Variants in TBC1D2 observed in about 807,000 individuals in gnomAD.
The protein encoded by TBC1D2 is TBC1 domain family member 2, also known as TBC1 domain family member 2A.
Under a neutral mutation model 91.1 loss-of-function variants are expected in TBC1D2, and 58 were observed. The ratio of observed to expected loss-of-function variants is 0.64; its 90% CI spans 0.52 to 0.79. The LOEUF is 0.79. Ranked by LOEUF, TBC1D2 falls within the 30% of genes least tolerant of loss-of-function variation. The pLI is 0.00. For missense variants in TBC1D2, 1,080 were observed against 1,208.3 expected, an observed-to-expected ratio of 0.89 and a Z score of 1.57; for synonymous variants, 482 against 511.5, an observed-to-expected ratio of 0.94 and a Z score of 0.78.
rs561410527 is a variant in TBC1D2, at chr9:98,216,218, C to T, written c.1375-3000G>A. Among the ~76,000 whole-genome samples the T allele has an allele frequency of 1.1e-4, 16 of 152,286 alleles. No homozygotes were observed. In the South Asian group the frequency reaches 1.2e-3, roughly 12 times the overall value. The stretch of plus-strand genomic sequence containing the variant: ...GTTAATATGTGCAAAAGGCTCAGAA[C>T]GGTGCCTGGCATGTGGCAAGTGCAA... On this transcript the variant is annotated intron_variant, in intron 6 of 12. Coordinates refer to ENST00000465784, the MANE Select transcript of TBC1D2 (RefSeq NM_001267571.2).
intron 2 of TBC1D2, among the ~76,000 whole-genome samples, chr9:98,248,463 G>T (rs761308544): frequency 7.2e-5 from 11 of 152,230 alleles, no homozygotes; most frequent in Admixed American, 5.2e-4. Context: ...GGAAGAAGGC[G>T]CTGCCTAGAC....
At chr9:98,222,501 G>A (rs1309669142) in intron 5 of TBC1D2, among the ~76,000 whole-genome samples, 5 of 152,242 alleles carry the variant, frequency 3.3e-5, no homozygotes, top group African/African-American at 1.2e-4. Context: ...TTATTCCTCA[G>A]CAGGGGCAAC....
In TBC1D2 at chr9:98,255,648, G is replaced by GCGGGGC; in HGVS notation, c.-108_-107insGCCCCG. 7.5e-7 allele frequency: 1 copy of GCGGGGC among 1,342,180 alleles called. No individual in the cohort carries two copies. 83.1% of individuals were successfully genotyped at this position (1,342,180 alleles called of 1,614,324 possible). On this transcript the variant is annotated 5_prime_UTR_variant, in exon 1 of 13. Transcript: ENST00000465784. ...CCCAAAGGGAGACACCTGGGCGGGG[G>GCGGGGC]CGGGGCCGACGGCGAACCCGCCCCC... is the stretch of plus-strand genomic sequence containing the variant.
rs2119141244 is a variant in TBC1D2 at position 98,233,556 on chromosome 9, G to A, written c.648-7C>T. Reference sequence around the variant, plus strand: ...GATGTTGTGCATTGTGTTCCTGAAAGGAGACAAGAACAGAGGAGCATGAGG... The same window carrying A: ...GATGTTGTGCATTGTGTTCCTGAAAAGAGACAAGAACAGAGGAGCATGAGG... On this transcript the variant is annotated splice_region_variant and splice_polypyrimidine_tract_variant and intron_variant, in intron 3 of 12. Coordinates refer to ENST00000465784, the MANE Select transcript of TBC1D2 (RefSeq NM_001267571.2). The A allele has an allele frequency of 6.2e-7, 1 of 1,613,844 alleles. No homozygotes were observed. The highest frequency in any genetic ancestry group is 1.1e-5 in the South Asian group (1 of 91,048).
At position 98,233,560 on chromosome 9, in the gene TBC1D2, A is replaced by G; in HGVS notation, c.648-11T>C. ...TTGTGCATTGTGTTCCTGAAAGGAG[A>G]CAAGAACAGAGGAGCATGAGGCTGA... On this transcript the variant is annotated splice_polypyrimidine_tract_variant and intron_variant, in intron 3 of 12. Transcript: ENST00000465784. 1.2e-6 allele frequency: 2 copies of G among 1,613,662 alleles called. No homozygotes were observed. Among genetic ancestry groups the G allele is most frequent in the Non-Finnish European group, 1.7e-6 (2 of 1,179,774 alleles).
At chr9:98,244,434 G>A (rs994526621) in intron 2 of TBC1D2, among the ~76,000 whole-genome samples, 10 of 151,984 alleles carry the variant, frequency 6.6e-5, no homozygotes, top group African/African-American at 2.2e-4. Flanking sequence ...TGAGATGGGC[G>A]GATCACCTGA....
At chr9:98,244,715 G>A (rs949751493) in intron 2 of TBC1D2, among the ~76,000 whole-genome samples, 6 of 147,860 alleles carry the variant, frequency 4.1e-5, no homozygotes, top group African/African-American at 1.5e-4. Context: ...ACATCTGAGA[G>A]TCCATCCTAA....
intron 8 of TBC1D2, 119 bp from the exon 9 acceptor site, chr9:98,209,263 C>G: frequency 3.2e-6 from 3 of 943,688 alleles, no homozygotes; most frequent in Non-Finnish European, 5.0e-6. Flanking sequence ...GGGTTAACCA[C>G]ACAGCTCTGG....
intron 2 of TBC1D2, among the ~76,000 whole-genome samples, chr9:98,246,322 G>A (rs1444657373): frequency 6.6e-6 from 1 of 152,118 alleles, no homozygotes; most frequent in Non-Finnish European, 1.5e-5. Context: ...TAAATATAAT[G>A]ATGGGGGTCA....
chr9:98,217,183 C>T (rs1438107892), intron 6 of TBC1D2, among the ~76,000 whole-genome samples: 4 of 152,158 alleles, frequency 2.6e-5, no homozygotes, highest in South Asian at 2.1e-4. Flanking sequence ...CTTGAGTGCT[C>T]GTCTTGGCTC....
intron 3 of TBC1D2, among the ~76,000 whole-genome samples, chr9:98,240,399 T>TC (rs771034539): frequency 6.6e-6 from 1 of 152,192 alleles, no homozygotes; most frequent in Non-Finnish European, 1.5e-5. Context: ...CCTAGTGACT[T>TC]CCCTTTCCCA....
rs1435373490 is a variant in TBC1D2, at chr9:98,200,743, C to T, written c.2458-369G>A. On this transcript the variant is annotated intron_variant, in intron 11 of 12. Coordinates refer to ENST00000465784, the MANE Select transcript of TBC1D2 (RefSeq NM_001267571.2). ...ACCAGATGAAATGACAGGCCAGACA[C>T]AGTGGCTCATGCCAGTAATTCCAGC... is the stretch of plus-strand genomic sequence containing the variant. Among the ~76,000 whole-genome samples the T allele has an allele frequency of 2.6e-5, 4 of 152,144 alleles. No individual in the cohort carries two copies. The East Asian group carries it at 7.7e-4, about 29-fold the overall frequency.
chr9:98,224,674 T>C (rs1829187820), intron 5 of TBC1D2, among the ~76,000 whole-genome samples: 1 of 152,242 alleles, frequency 6.6e-6, no homozygotes, highest in East Asian at 1.9e-4. Context: ...TTTAAATTTT[T>C]AAAAGCCAAT....
rs182200864 is a variant in TBC1D2, at chr9:98,211,253, C to T, written c.1486-410G>A. On this transcript the variant is annotated intron_variant, in intron 7 of 12. Transcript: ENST00000465784. The stretch of plus-strand genomic sequence containing the variant: ...AGGATTTGGGTGAGGATCAGATGAG[C>T]GGATGTGTATAAAGCCCTTCCCAGG... 1.2e-3 allele frequency among the ~76,000 whole-genome samples: 187 copies of T among 152,324 alleles called. 2 individuals carry two copies. In the Middle Eastern group the frequency reaches 0.014, roughly 11 times the overall value.
intron 9 of TBC1D2, 78 bp downstream of exon 9, chr9:98,208,588 TGC>T: frequency 2.1e-6 from 3 of 1,418,042 alleles, no homozygotes; most frequent in Non-Finnish European, 2.9e-6. Context: ...CACAGATGGC[TGC>T]CTGTCCACAG....
chr9:98,202,738 G>A (rs1828540947), intron 10 of TBC1D2, among the ~76,000 whole-genome samples: 1 of 152,192 alleles, frequency 6.6e-6, no homozygotes, highest in African/African-American at 2.4e-5. Flanking sequence ...TTTTGAATGT[G>A]GGAAATTTTC....
At chr9:98,209,775 CCTT>C (rs1828775900) in intron 8 of TBC1D2, among the ~76,000 whole-genome samples, 1 of 145,734 alleles carries the variant, frequency 6.9e-6, no homozygotes, top group Non-Finnish European at 1.5e-5. Context: ...TTCCTTCCTT[CCTT>C]CCTTCCTTCC....
intron 8 of TBC1D2, among the ~76,000 whole-genome samples, chr9:98,209,756 T>TTTCCTTCCTTCCTTTCC (rs1828771536): frequency 5.7e-5 from 6 of 105,582 alleles, no homozygotes; most frequent in East Asian, 2.3e-4. Flanking sequence ...CCTTCCTTCC[T>TTTCCTTCCTTCCTTTCC]TTCCTTCCTT....
intron 2 of TBC1D2, among the ~76,000 whole-genome samples, chr9:98,251,328 C>T (rs1829870097): frequency 6.6e-6 from 1 of 151,908 alleles, no homozygotes; most frequent in Non-Finnish European, 1.5e-5. Flanking sequence ...CAACTCACGA[C>T]ACAAATCTAC....
Sources: gnomAD v4.1 joint callset for allele counts (sites outside exome capture counted in the v4.1 genomes callset) on GRCh38, gnomAD v4.1.1 for gene constraint, MANE v1.5 for transcripts, NCBI Gene and HGNC (gene_info 2026-07-23, HGNC 2026-07-21) for gene names.